CRB2: variants seen among roughly 807,000 people sequenced by gnomAD.
The protein encoded by CRB2 is protein crumbs homolog 2.
CRB2 carries 85 observed loss-of-function variants against 110.9 expected under a neutral mutation model. The observed-to-expected ratio is 0.77, with a 90% confidence interval of 0.64 to 0.92. CRB2 has a LOEUF of 0.92. CRB2 is among the 40% of genes least tolerant of loss of function. The pLI, the probability that CRB2 is intolerant of heterozygous loss-of-function variation, is 0.00. For missense variants in CRB2, 1,843 were observed against 1,851.3 expected, an observed-to-expected ratio of 1.00 and a Z score of 0.08; for synonymous variants, 907 against 831.0, an observed-to-expected ratio of 1.09 and a Z score of -1.57.
At position 123,370,398 on chromosome 9, in the gene CRB2, A is replaced by C; in HGVS notation, c.1345A>C (p.Ile449Leu). The C allele has an allele frequency of 6.2e-7, 1 of 1,613,606 alleles. No individual in the cohort carries two copies. Among genetic ancestry groups the C allele is most frequent in the Non-Finnish European group, 8.5e-7 (1 of 1,180,018 alleles). Residue 449 changes from isoleucine (I) to leucine (L), a missense_variant, in exon 7 of 13, where the codon ATT becomes CTT. Ile to Leu is a conservative substitution (Grantham distance 5). Coordinates refer to ENST00000373631, the MANE Select transcript of CRB2 (RefSeq NM_173689.7). ...TTFSVMAGSP[I>L]QASVPAGGPL... is the part of the protein sequence containing the mutation. ...CTTCTCTGTGATGGCTGGGAGCCCC[A>C]TTCAGGCATCAGTGCCAGCTGGTGG...
intron 12 of CRB2, 72 bp from the exon 13 acceptor site, chr9:123,376,766 C>T (rs948128676): frequency 2.2e-6 from 3 of 1,384,350 alleles, no homozygotes; most frequent in Non-Finnish European, 3.0e-6. Flanking sequence ...GTGCTGCGCT[C>T]TCTGCTCTCT....
intron 1 of CRB2, among the ~76,000 whole-genome samples, chr9:123,357,667 C>G (rs560708874): frequency 6.6e-6 from 1 of 152,130 alleles, no homozygotes; most frequent in Non-Finnish European, 1.5e-5. Flanking sequence ...TCTCTGCATA[C>G]AAAGCACGTG....
chr9:123,359,436 GT>G (rs1319039345), intron 1 of CRB2, among the ~76,000 whole-genome samples: 10 of 62,428 alleles, frequency 1.6e-4, no homozygotes, highest in South Asian at 1.4e-3. Flanking sequence ...TTTCGTTTTT[GT>G]TTTGTTTTTT....
chr9:123,376,915 C>T lies in CRB2; in HGVS notation c.3711C>T (p.Leu1237=). 1.2e-6 allele frequency: 2 copies of T among 1,608,518 alleles called. No homozygotes were observed. Among genetic ancestry groups the T allele is most frequent in the Middle Eastern group, 1.8e-4 (1 of 5,644 alleles). ...CAGCCTGTGCCTGCCTCCTCCTCCTCCTCCTGGGCCTCCTTTCAGGGATCC... is the reference window on the plus strand; with the variant it reads ...CAGCCTGTGCCTGCCTCCTCCTCCTTCTCCTGGGCCTCCTTTCAGGGATCC... The part of the protein sequence containing the change: ...VPAACACLLL[L]LLGLLSGILA... The change falls in exon 13 of 13, where the codon CTC becomes CTT. Residue 1237 remains leucine (L), a synonymous_variant. Coordinates refer to ENST00000373631, the MANE Select transcript of CRB2 (RefSeq NM_173689.7).
intron 6 of CRB2, among the ~76,000 whole-genome samples, chr9:123,369,624 G>T (rs549613828): frequency 2.6e-5 from 4 of 152,184 alleles, no homozygotes; most frequent in Non-Finnish European, 2.9e-5. Flanking sequence ...CAAGATTTGT[G>T]GGAAGCAGGA....
chr9:123,354,252 G>A (rs557420777), upstream of CRB2, among the ~76,000 whole-genome samples: 87 of 152,346 alleles, frequency 5.7e-4, no homozygotes, highest in African/African-American at 1.7e-3. Context: ...GGAGTGTGGC[G>A]GCTGCAGGAC....
chr9:123,356,870 G>A (rs912096708), intron 1 of CRB2, among the ~76,000 whole-genome samples: 4 of 152,092 alleles, frequency 2.6e-5, no homozygotes, highest in African/African-American at 7.2e-5. Flanking sequence ...AGTTGGGTGT[G>A]GTGAGCTGTG....
intron 2 of CRB2, among the ~76,000 whole-genome samples, chr9:123,365,014 C>T (rs2041913173): frequency 6.6e-6 from 1 of 152,210 alleles, no homozygotes; most frequent in African/African-American, 2.4e-5. Flanking sequence ...GTAATCCCAG[C>T]ACTTCGGGAG....
intron 1 of CRB2, among the ~76,000 whole-genome samples, chr9:123,359,627 T>A (rs1348041063): frequency 2.0e-5 from 3 of 151,912 alleles, no homozygotes; most frequent in African/African-American, 7.3e-5. Context: ...TCGTTTTGTT[T>A]TCATAGAGCC....
rs545235998 is a variant in CRB2 at position 123,369,955 on chromosome 9, C to T, written c.1055-153C>T. Among the ~76,000 whole-genome samples the T allele has an allele frequency of 1.8e-4, 28 of 152,034 alleles. 1 individual carries two copies. The South Asian group carries it at 5.2e-3, about 28-fold the overall frequency. On this transcript the variant is annotated intron_variant, in intron 6 of 12. Transcript: ENST00000373631. ...AAGGGGCATCTTGGCTTCTGGCCTA[C>T]GGGGGGACTTGAGGGGACCATGAGA...
chr9:123,361,077 C>G (rs1394092626), intron 1 of CRB2, among the ~76,000 whole-genome samples: 1 of 151,158 alleles, frequency 6.6e-6, no homozygotes, highest in Non-Finnish European at 1.5e-5. Context: ...GTGCTGCCTC[C>G]CCAGCGTGGT....
intron 9 of CRB2, 27 bp downstream of exon 9, chr9:123,372,369 G>A (rs375696768): frequency 2.9e-5 from 46 of 1,563,472 alleles, no homozygotes; most frequent in Admixed American, 5.4e-5. Flanking sequence ...GGCAGCTCCC[G>A]TGCTGGGTGC....
rs775824022 is a variant in CRB2, at chr9:123,376,896, G to A, written c.3692G>A (p.Cys1231Tyr). 1 of 1,609,958 alleles carries A rather than the reference G, an allele frequency of 6.2e-7. No homozygotes were observed. The highest frequency in any genetic ancestry group is 1.1e-5 in the South Asian group (1 of 90,302). The change falls in exon 13 of 13, where the codon TGT (cysteine) becomes TAT (tyrosine). Residue 1231 changes from cysteine (C) to tyrosine (Y), a missense_variant. Transcript: ENST00000373631. ...CTGGAGGTGGCCGTACCTGCAGCCT[G>A]TGCCTGCCTCCTCCTCCTCCTCCTG... ...PLLEVAVPAA[C>Y]ACLLLLLLGL...
rs368543322 is a variant in CRB2, at chr9:123,373,886, C to T, written c.3355C>T (p.Arg1119Cys). Reference protein sequence around the residue: ...HTHPDGRFECRCPPGFGGPRC... With the variant: ...HTHPDGRFECCCPPGFGGPRC... ...GCACCCCGACGGCCGCTTCGAGTGC[C>T]GCTGCCCGCCTGGCTTCGGGGGCCC... Residue 1119 changes from arginine to cysteine, a missense_variant, in exon 10 of 13, where the codon CGC becomes TGC. Coordinates refer to ENST00000373631, the MANE Select transcript of CRB2 (RefSeq NM_173689.7). The T allele has an allele frequency of 7.1e-6, 11 of 1,548,542 alleles. No individual in the cohort carries two copies. The highest frequency in any genetic ancestry group is 3.5e-5 in the South Asian group (3 of 84,580).
In CRB2 at chr9:123,370,941, G is replaced by A. The variant is rs758167715; in HGVS notation, c.1888G>A (p.Asp630Asn). ...GGATCTGTGGACTCATTTCCGTTGC[G>A]ACTGTGCCCGGCCCCATAGAGGTCC... is the stretch of plus-strand genomic sequence containing the variant. ...CVDLWTHFRC[D>N]CARPHRGPTC... is the part of the protein sequence containing the mutation. The change falls in exon 7 of 13, where the codon GAC (aspartate) becomes AAC (asparagine). Residue 630 changes from aspartate (D) to asparagine (N), a missense_variant. Asp to Asn is a conservative substitution (Grantham distance 23). Transcript: ENST00000373631. The A allele has an allele frequency of 4.2e-5, 68 of 1,608,988 alleles. No individual in the cohort carries two copies. Among genetic ancestry groups the A allele is most frequent in the Non-Finnish European group, 5.5e-5 (65 of 1,177,262 alleles).
At chr9:123,361,613 G>A (rs2041870013) in intron 1 of CRB2, among the ~76,000 whole-genome samples, 2 of 150,154 alleles carry the variant, frequency 1.3e-5, no homozygotes, top group African/African-American at 4.9e-5. Flanking sequence ...CCGGATGGGG[G>A]TGGGGGGAGG....
intron 10 of CRB2, among the ~76,000 whole-genome samples, chr9:123,374,256 C>T (rs895253980): frequency 3.3e-5 from 5 of 152,246 alleles, no homozygotes; most frequent in Admixed American, 6.5e-5. Flanking sequence ...CAGTGGCTCT[C>T]CCGGGAGCCC....
chr9:123,373,737 G>C lies in CRB2; in HGVS notation c.3206G>C (p.Gly1069Ala), dbSNP rs769382297. ...GCGCCCTCGCCCTGTCTGCACGACG[G>C]TGCCTGCCGTGACCTCTTCGACGCC... ...VCAPSPCLHD[G>A]ACRDLFDAFA... is the part of the protein sequence containing the mutation. The change falls in exon 10 of 13, where the codon GGT becomes GCT. Residue 1069 changes from glycine (G) to alanine (A), a missense_variant. Coordinates refer to ENST00000373631, the MANE Select transcript of CRB2 (RefSeq NM_173689.7). 7.6e-6 allele frequency: 12 copies of C among 1,581,784 alleles called. No individual in the cohort carries two copies. In the African/African-American group the frequency reaches 1.5e-4, roughly 20 times the overall value.
At chr9:123,367,868 C>T (rs986820220) in intron 6 of CRB2, among the ~76,000 whole-genome samples, 182 bp downstream of exon 6, 2 of 152,004 alleles carry the variant, frequency 1.3e-5, no homozygotes, top group South Asian at 4.2e-4. Flanking sequence ...GAGACTGGGG[C>T]TCAGGAGTGT....
Sources: allele counts gnomAD v4.1 joint callset (sites outside exome capture counted in the v4.1 genomes callset), GRCh38; gene constraint gnomAD v4.1.1; transcripts MANE v1.5; gene names NCBI Gene and HGNC (gene_info 2026-07-23, HGNC 2026-07-21).